LDLRAD4: variants seen among roughly 807,000 people sequenced by gnomAD.
The protein encoded by LDLRAD4 is low density lipoprotein receptor class A domain containing 4.
A neutral mutation model predicts 17.0 loss-of-function variants in LDLRAD4; 5 were observed. The observed-to-expected ratio is 0.29, with a 90% CI of 0.15 to 0.62. LDLRAD4 has a LOEUF of 0.62. Ranked by LOEUF, LDLRAD4 falls within the 20% of genes least tolerant of loss-of-function variation. The pLI is 0.84. For synonymous variants in LDLRAD4, 168 were observed against 171.8 expected (o/e 0.98, Z 0.17); for missense variants, 340 against 424.7 (o/e 0.80, Z 1.75).
intron 2 of LDLRAD4, among the ~76,000 whole-genome samples, chr18:13,406,043 C>T (rs559752743): frequency 6.6e-6 from 1 of 152,324 alleles, no homozygotes; most frequent in African/African-American, 2.4e-5. Flanking sequence ...TCTTGATGGC[C>T]GAGAATGTTG....
chr18:13,379,123 T>C (rs766710162), intron 1 of LDLRAD4, among the ~76,000 whole-genome samples: 1 of 152,224 alleles, frequency 6.6e-6, no homozygotes, highest in African/African-American at 2.4e-5. Flanking sequence ...GCTCAGGGGC[T>C]TTAAGTAACT....
intron 1 of LDLRAD4, among the ~76,000 whole-genome samples, chr18:13,247,222 C>G (rs1057035587): frequency 3.3e-5 from 5 of 152,264 alleles, no homozygotes; most frequent in Non-Finnish European, 7.4e-5. Flanking sequence ...CACTTTTTTA[C>G]AAAAAGCTTT....
intron 3 of LDLRAD4, among the ~76,000 whole-genome samples, chr18:13,442,070 C>A (rs1028304158): frequency 7.9e-5 from 12 of 152,182 alleles, no homozygotes; most frequent in Admixed American, 7.9e-4. Flanking sequence ...GTACCCCGAG[C>A]ACTAAACATA....
intron 1 of LDLRAD4, among the ~76,000 whole-genome samples, chr18:13,342,676 T>C (rs549127316): frequency 6.6e-6 from 1 of 152,048 alleles, no homozygotes; most frequent in East Asian, 1.9e-4. Context: ...ACTATTTGCA[T>C]GGAATATTAC....
rs532275757 is a variant in LDLRAD4, at chr18:13,534,855, C to G, written c.182-86262C>G. ...CCCAGTCCCCAGTCCCGACCCCAGGCTCCAGGCCACCTCGGACCTGCTGTC... is the reference window on the plus strand; with the variant it reads ...CCCAGTCCCCAGTCCCGACCCCAGGGTCCAGGCCACCTCGGACCTGCTGTC... On this transcript the variant is annotated intron_variant, in intron 3 of 5. Transcript: ENST00000359446. 3.3e-5 allele frequency among the ~76,000 whole-genome samples: 5 copies of G among 152,346 alleles called. No homozygotes were observed. The East Asian group carries it at 7.7e-4, about 23-fold the overall frequency.
intron 3 of LDLRAD4, among the ~76,000 whole-genome samples, chr18:13,604,273 G>A (rs1332645115): frequency 6.6e-6 from 1 of 152,232 alleles, no homozygotes; most frequent in African/African-American, 2.4e-5. Context: ...CAGTTTATAA[G>A]CAAGACAGAG....
At chr18:13,356,347 A>G (rs1444509524) in intron 1 of LDLRAD4, among the ~76,000 whole-genome samples, 1 of 152,188 alleles carries the variant, frequency 6.6e-6, no homozygotes, top group Non-Finnish European at 1.5e-5. Flanking sequence ...CACCACACCA[A>G]GTGTGCAAAG....
intron 2 of LDLRAD4, among the ~76,000 whole-genome samples, chr18:13,421,731 C>T (rs951994855): frequency 2.0e-5 from 3 of 152,174 alleles, no homozygotes; most frequent in Admixed American, 6.5e-5. Context: ...CCCTAAGTGC[C>T]GTTTGTAGAA....
intron 1 of LDLRAD4, among the ~76,000 whole-genome samples, chr18:13,286,791 C>T (rs1360151486): frequency 1.3e-5 from 2 of 152,144 alleles, no homozygotes; most frequent in African/African-American, 4.8e-5. Context: ...GGAGCTGTCC[C>T]TGGCCTGGGG....
At chr18:13,414,827 T>G (rs2145753351) in intron 2 of LDLRAD4, among the ~76,000 whole-genome samples, 1 of 152,354 alleles carries the variant, frequency 6.6e-6, no homozygotes, top group African/African-American at 2.4e-5. Context: ...AACTCCCTGA[T>G]TATCAGACAC....
At chr18:13,468,065 A>T (rs1344076907) in intron 3 of LDLRAD4, among the ~76,000 whole-genome samples, 2 of 152,164 alleles carry the variant, frequency 1.3e-5, no homozygotes, top group Admixed American at 1.3e-4. Flanking sequence ...AGTTTTCATG[A>T]TGTTGGATAT....
chr18:13,641,327 TTAGA>T (rs777318368), intron 4 of LDLRAD4, among the ~76,000 whole-genome samples: 12 of 152,036 alleles, frequency 7.9e-5, no homozygotes, highest in Non-Finnish European at 1.3e-4. Context: ...ATACAGATAT[TTAGA>T]TAGATAGCCT....
intron 3 of LDLRAD4, chr18:13,460,111 G>A (rs1417005553): frequency 1.3e-5 from 2 of 153,916 alleles, no homozygotes. Context: ...GAGGTGCTTT[G>A]CAAGGATACA....
intron 1 of LDLRAD4, chr18:13,382,708 A>C (rs1272980676): frequency 1.3e-5 from 2 of 152,184 alleles, no homozygotes; most frequent in African/African-American, 4.8e-5. Flanking sequence ...GGGGATCTTG[A>C]CTGTGACCTT....
intron 3 of LDLRAD4, among the ~76,000 whole-genome samples, chr18:13,552,754 TC>T (rs2094447497): frequency 6.6e-6 from 1 of 152,218 alleles, no homozygotes; most frequent in Non-Finnish European, 1.5e-5. Context: ...CTAGAATCTG[TC>T]CGTCTCCCTC....
At position 13,465,465 on chromosome 18, in the gene LDLRAD4, A is replaced by G. The variant is rs911257488; in HGVS notation, c.181+27081A>G. Among the ~76,000 whole-genome samples, 43 of 152,242 alleles carry G rather than the reference A, an allele frequency of 2.8e-4. 1 individual carries two copies. Among genetic ancestry groups the G allele is most frequent in the Non-Finnish European group, 2.9e-5 (2 of 68,040 alleles). ...ATGCCCATCCTGATGATTTTCAGCC[A>G]TGAAAATGAGTAAAGGGGAGATGGG... On this transcript the variant is annotated intron_variant, in intron 3 of 5. Coordinates refer to ENST00000359446, the Ensembl canonical transcript of LDLRAD4.
chr18:13,285,269 G>T (rs944946245), intron 1 of LDLRAD4, among the ~76,000 whole-genome samples: 2 of 152,146 alleles, frequency 1.3e-5, no homozygotes, highest in Non-Finnish European at 2.9e-5. Flanking sequence ...TCTCAGGAGG[G>T]TTTTGACCTC....
intron 3 of LDLRAD4, among the ~76,000 whole-genome samples, chr18:13,590,091 G>T (rs183476849): frequency 2.1e-4 from 32 of 152,014 alleles, no homozygotes; most frequent in African/African-American, 7.5e-4. Context: ...ATGTGTGGGT[G>T]TGAGTGTGCA....
chr18:13,483,756 C>G (rs2146986229), intron 3 of LDLRAD4, among the ~76,000 whole-genome samples: 1 of 152,238 alleles, frequency 6.6e-6, no homozygotes, highest in East Asian at 1.9e-4. Flanking sequence ...GAAATGAGAC[C>G]CTTTCCCAAG....
Sources: allele counts gnomAD v4.1 joint callset (sites outside exome capture counted in the v4.1 genomes callset), GRCh38; gene constraint gnomAD v4.1.1; transcripts MANE v1.5; gene names NCBI Gene and HGNC (gene_info 2026-07-23, HGNC 2026-07-21).